Variants in CDC42SE2 observed in about 807,000 individuals in gnomAD.
CDC42SE2 encodes CDC42 small effector 2.
In CDC42SE2, 3 loss-of-function variants were observed where a neutral mutation model predicts 11.5. That is an observed-to-expected ratio of 0.26 (90% confidence interval 0.12 to 0.67). CDC42SE2 has a LOEUF of 0.67. CDC42SE2 is among the 30% of genes least tolerant of loss of function. CDC42SE2 has a pLI of 0.80. For missense variants in CDC42SE2, 82 were observed against 106.8 expected, an observed-to-expected ratio of 0.77 and a Z score of 1.02; for synonymous variants, 33 against 34.8, an observed-to-expected ratio of 0.95 and a Z score of 0.18.
At chr5:131,286,570 T>C (rs973910405) in intron 1 of CDC42SE2, among the ~76,000 whole-genome samples, 5 of 151,850 alleles carry the variant, frequency 3.3e-5, no homozygotes, top group Non-Finnish European at 7.4e-5. Flanking sequence ...AACATGGGTT[T>C]GAACCGTGCA....
intron 2 of CDC42SE2, among the ~76,000 whole-genome samples, chr5:131,328,167 A>T (rs1758337544): frequency 6.6e-6 from 1 of 152,180 alleles, no homozygotes; most frequent in South Asian, 2.1e-4. Flanking sequence ...GATACATTCA[A>T]ACCATAGCAA....
chr5:131,224,100 G>A, the CDC42SE2 span, among the ~76,000 whole-genome samples: 1 of 152,078 alleles, frequency 6.6e-6, no homozygotes, highest in Non-Finnish European at 1.5e-5. Context: ...TCTCAGTGTT[G>A]GAATGCCCAG....
chr5:131,270,951 A>C (rs1301413671), intron 1 of CDC42SE2, among the ~76,000 whole-genome samples: 1 of 151,848 alleles, frequency 6.6e-6, no homozygotes, highest in East Asian at 1.9e-4. Context: ...ATAGGGGGGA[A>C]GGTGGGGGAA....
chr5:131,282,819 C>T (rs1172427302), intron 1 of CDC42SE2, among the ~76,000 whole-genome samples: 11 of 148,152 alleles, frequency 7.4e-5, no homozygotes, highest in African/African-American at 2.0e-4. Context: ...TTAGTAGAGA[C>T]GGGGTTTCAC....
chr5:131,295,091 C>A (rs1036642291), intron 1 of CDC42SE2, among the ~76,000 whole-genome samples: 1 of 151,238 alleles, frequency 6.6e-6, no homozygotes, highest in South Asian at 2.1e-4. Context: ...CATGCCACTG[C>A]GCTCCATTCT....
intron 2 of CDC42SE2, among the ~76,000 whole-genome samples, chr5:131,338,835 A>C (rs1561590187): frequency 6.6e-6 from 1 of 152,202 alleles, no homozygotes; most frequent in Non-Finnish European, 1.5e-5. Flanking sequence ...GTATGAACAT[A>C]TAATATCCAT....
chr5:131,259,164 T>G (rs74921631), upstream of CDC42SE2, among the ~76,000 whole-genome samples: 484 of 152,322 alleles, frequency 3.2e-3, 2 homozygotes, highest in African/African-American at 0.011. Flanking sequence ...ATTACCTTAT[T>G]GACTAATTAG....
intron 3 of CDC42SE2, among the ~76,000 whole-genome samples, chr5:131,381,630 T>C (rs1207202669): frequency 6.6e-6 from 1 of 152,232 alleles, no homozygotes; most frequent in Non-Finnish European, 1.5e-5. Context: ...GCCCAAATGC[T>C]GTTGATTTTA....
At chr5:131,311,312 G>A (rs1181619135) in intron 1 of CDC42SE2, among the ~76,000 whole-genome samples, 1 of 151,890 alleles carries the variant, frequency 6.6e-6, no homozygotes, top group Non-Finnish European at 1.5e-5. Flanking sequence ...CGAGAGATCC[G>A]CTGTTAGTCT....
intron 1 of CDC42SE2, among the ~76,000 whole-genome samples, chr5:131,247,044 C>T (rs1756601054): frequency 6.6e-6 from 1 of 152,014 alleles, no homozygotes; most frequent in African/African-American, 2.4e-5. Flanking sequence ...ATGCCCAGTG[C>T]ACCAATCCTC....
rs1015796473 is a variant in CDC42SE2 at position 131,376,272 on chromosome 5, G to A, written c.55-9271G>A. Among the ~76,000 whole-genome samples the A allele has an allele frequency of 2.0e-5, 3 of 151,828 alleles. No homozygotes were observed. The South Asian group carries it at 6.2e-4, about 32-fold the overall frequency. On this transcript the variant is annotated intron_variant, in intron 3 of 4. Coordinates refer to ENST00000505065, the MANE Select transcript of CDC42SE2 (RefSeq NM_001375635.1). Reference sequence around the variant, plus strand: ...ACAAAAAACCTTTATTCAATAGAGAGTACAAAGGTGAACAAATGAGGACTT... The same window carrying A: ...ACAAAAAACCTTTATTCAATAGAGAATACAAAGGTGAACAAATGAGGACTT...
At chr5:131,236,764 T>C in the CDC42SE2 span, among the ~76,000 whole-genome samples, 3 of 152,260 alleles carry the variant, frequency 2.0e-5, no homozygotes, top group African/African-American at 7.2e-5. Context: ...CCAGTTGTTC[T>C]AATGTACTAA....
intron 1 of CDC42SE2, among the ~76,000 whole-genome samples, chr5:131,297,714 C>T (rs1757600183): frequency 6.6e-6 from 1 of 150,554 alleles, no homozygotes; most frequent in South Asian, 2.1e-4. Flanking sequence ...AGCAAGACTC[C>T]ATTTCAAAAA....
At position 131,386,293 on chromosome 5, in the gene CDC42SE2, C is replaced by T. The variant is rs534922456; in HGVS notation, c.156+649C>T. On this transcript the variant is annotated intron_variant, in intron 4 of 4. Transcript: ENST00000505065. ...GATGTGACAGGAGGCAGAGCTCAGGCGGTGATGCTCACTTGCAGCTGCTCA... is the reference window on the plus strand; with the variant it reads ...GATGTGACAGGAGGCAGAGCTCAGGTGGTGATGCTCACTTGCAGCTGCTCA... 1.3e-3 allele frequency among the ~76,000 whole-genome samples: 196 copies of T among 152,352 alleles called. 1 individual carries two copies. The highest frequency in any genetic ancestry group is 5.6e-3 in the Admixed American group (85 of 15,306).
At chr5:131,383,735 G>A (rs962760316) in intron 3 of CDC42SE2, among the ~76,000 whole-genome samples, 3 of 152,094 alleles carry the variant, frequency 2.0e-5, no homozygotes, top group Admixed American at 6.5e-5. Flanking sequence ...CCATAACACA[G>A]CTATACTCAT....
At chr5:131,359,650 G>A (rs1158189815) in intron 3 of CDC42SE2, 103 bp downstream of exon 3, 2 of 827,130 alleles carry the variant, frequency 2.4e-6, no homozygotes, top group South Asian at 1.3e-5. Context: ...CAAAGCAGTT[G>A]TAGAGAATAC....
chr5:131,343,092 C>T (rs539174716), intron 2 of CDC42SE2, among the ~76,000 whole-genome samples: 167 of 151,720 alleles, frequency 1.1e-3, no homozygotes, highest in Admixed American at 2.8e-3. Context: ...GAAAACTGTA[C>T]GTAGTAGGAC....
At position 131,323,436 on chromosome 5, in the gene CDC42SE2, A is replaced by T. The variant is rs988954754; in HGVS notation, c.-286+7292A>T. On this transcript the variant is annotated intron_variant, in intron 2 of 4. Transcript: ENST00000505065. ...ATGATTTCAGTTTTATTACTAAAAA[A>T]TACAACTAGTAGCCACTTTTTAGAA... 3.3e-5 allele frequency among the ~76,000 whole-genome samples: 5 copies of T among 151,964 alleles called. 1 individual carries two copies. The highest frequency in any genetic ancestry group is 3.3e-4 in the Admixed American group (5 of 15,274).
At chr5:131,293,556 G>C (rs1347595503) in intron 1 of CDC42SE2, among the ~76,000 whole-genome samples, 1 of 134,600 alleles carries the variant, frequency 7.4e-6, no homozygotes, top group Non-Finnish European at 1.6e-5. Flanking sequence ...TGGGTGACGA[G>C]AGCAAAACTC....
Sources: allele counts gnomAD v4.1 joint callset (sites outside exome capture counted in the v4.1 genomes callset), GRCh38; gene constraint gnomAD v4.1.1; transcripts MANE v1.5; gene names NCBI Gene and HGNC (gene_info 2026-07-23, HGNC 2026-07-21).